Variants in SPHK2 observed in about 807,000 individuals in gnomAD.
SPHK2 encodes the protein sphingosine kinase 2.
A neutral mutation model predicts 32.3 loss-of-function variants in SPHK2; 18 were observed. The observed-to-expected ratio is 0.56, with a 90% CI of 0.39 to 0.83. The LOEUF (loss-of-function observed/expected upper bound fraction) is 0.83, where lower values mean the gene tolerates loss of function less well. Ranked by LOEUF, SPHK2 falls within the 40% of genes least tolerant of loss-of-function variation. The pLI, the probability that SPHK2 is intolerant of heterozygous loss-of-function variation, is 0.00. For missense variants in SPHK2, 850 were observed against 908.7 expected, an observed-to-expected ratio of 0.94 and a Z score of 0.83; for synonymous variants, 462 against 417.6, an observed-to-expected ratio of 1.11 and a Z score of -1.30.
Position 48,629,752 on chromosome 19 carries a change from C to T in SPHK2, c.1944C>T (p.Gly648=). 7 of 1,580,624 alleles carry T rather than the reference C, an allele frequency of 4.4e-6. No individual in the cohort carries two copies. The highest frequency in any genetic ancestry group is 6.0e-6 in the Non-Finnish European group (7 of 1,160,280). Residue 648 remains glycine (G), a synonymous_variant, in exon 7 of 7, where the codon GGC becomes GGT. Transcript: ENST00000245222. ...GTACACTGCTCACTGGGCCTCCTGG[C>T]TGCCCGGGGCGGGAGCCCTGAAACT... ...GIGTLLTGPP[G]CPGREP
In SPHK2 at chr19:48,626,066, AG is replaced by A; in HGVS notation, c.217del (p.Ala73ProfsTer135). 1 of 1,613,226 alleles carries A rather than the reference AG, an allele frequency of 6.2e-7. No homozygotes were observed. Among genetic ancestry groups the A allele is most frequent in the Non-Finnish European group, 8.5e-7 (1 of 1,179,824 alleles). ...CGCTTTGCCCTCACCCTTACATCGC[AG>A]GCCCTGCACATACAGCGGCTGCGCC... ...GPRFALTLTSQALHIQRLRPK... is the reference protein window; with the variant it reads ...GPRFALTLTSXALHIQRLRPK... On this transcript the variant is annotated frameshift_variant, in exon 3 of 7. Coordinates refer to ENST00000245222, the MANE Select transcript of SPHK2 (RefSeq NM_020126.5). LOFTEE classifies it high-confidence loss of function.
At position 48,628,920 on chromosome 19, in the gene SPHK2, C is replaced by T. The variant is rs762565641; in HGVS notation, c.1112C>T (p.Thr371Ile). The change falls in exon 7 of 7, where the codon ACC (threonine) becomes ATC (isoleucine). Residue 371 changes from threonine (T) to isoleucine (I), a missense_variant. Thr to Ile is a moderately conservative substitution (Grantham distance 89, BLOSUM62 -1). Coordinates refer to ENST00000245222, the MANE Select transcript of SPHK2 (RefSeq NM_020126.5). The surrounding 1 kb of genome is among the most constrained non-coding windows in gnomAD (Gnocchi z 5.2). ...GTVLGLATLH[T>I]YRGRLSYLPA... ...GTGCTGGGCCTCGCCACACTGCACA[C>T]CTACCGCGGACGCCTCTCCTACCTC... The T allele has an allele frequency of 2.5e-6, 4 of 1,613,482 alleles. No individual in the cohort carries two copies. The highest frequency in any genetic ancestry group is 1.7e-5 in the Admixed American group (1 of 60,026).
At chr19:48,619,799 C>G (rs1271934631) in intron 1 of SPHK2, 1 of 153,790 alleles carries the variant, frequency 6.5e-6, no homozygotes, top group Non-Finnish European at 1.5e-5. Context: ...CTTCCCTGAC[C>G]TAGAAAGAGG....
chr19:48,629,627 G>A lies in SPHK2; in HGVS notation c.1819G>A (p.Ala607Thr). The A allele has an allele frequency of 6.2e-7, 1 of 1,600,088 alleles. No individual in the cohort carries two copies. The highest frequency in any genetic ancestry group is 8.5e-7 in the Non-Finnish European group (1 of 1,174,094). ...GCAGCTGGGCTACGCCGCGGCCCGT[G>A]CCTTCCGCCTAGAGCCGCTCACACC... ...CPQLGYAAAR[A>T]FRLEPLTPRG... The change falls in exon 7 of 7, where the codon GCC becomes ACC. Residue 607 changes from alanine (A) to threonine (T), a missense_variant. Transcript: ENST00000245222.
rs745622704 is a variant in SPHK2 at position 48,626,222 on chromosome 19, G to A, written c.371G>A (p.Arg124Gln). 1.1e-5 allele frequency: 18 copies of A among 1,594,842 alleles called. No homozygotes were observed. The highest frequency in any genetic ancestry group is 1.4e-5 in the Non-Finnish European group (17 of 1,176,342). The change falls in exon 3 of 7, where the codon CGG becomes CAG. Residue 124 changes from arginine to glutamine, a missense_variant. By Grantham distance (43) the Arg-to-Gln change is conservative. This residue lies in a region of SPHK2 where 544 missense variants were observed against 640.0 expected (regional missense o/e 0.85). Coordinates refer to ENST00000245222, the MANE Select transcript of SPHK2 (RefSeq NM_020126.5). Reference protein sequence around the residue: ...YFCIYTYPRGRRGARRRATRT... With the variant: ...YFCIYTYPRGQRGARRRATRT... ...TGCATCTACACCTACCCTCGGGGCC[G>A]GCGCGGGGCCCGGCGCAGAGCCACT...
intron 3 of SPHK2, 71 bp downstream of exon 3, chr19:48,626,433 CTG>C: frequency 6.9e-7 from 1 of 1,453,812 alleles, no homozygotes; most frequent in Non-Finnish European, 9.0e-7. Flanking sequence ...CCATAGGCAG[CTG>C]TGTCTTTATT....
intron 2 of SPHK2, chr19:48,624,241 C>T (rs1601156655): frequency 6.6e-6 from 1 of 152,300 alleles, no homozygotes; most frequent in Non-Finnish European, 1.5e-5. Flanking sequence ...AGCTCTCGGC[C>T]TCTCCCGCGG....
At chr19:48,626,500 G>C (rs1259058241) in intron 3 of SPHK2, 138 bp downstream of exon 3, 1 of 1,141,792 alleles carries the variant, frequency 8.8e-7, no homozygotes, top group Non-Finnish European at 1.2e-6. Flanking sequence ...TGATACACAG[G>C]GATGGGCTAC....
chr19:48,629,977 G>A lies in SPHK2; in HGVS notation c.*204G>A, dbSNP rs1434990124. ...TTAAAGAGAAATGGGCTCGTCCCGAGGGTAGTGCCTGATCAATGAGGGCGG... is the reference window on the plus strand; with the variant it reads ...TTAAAGAGAAATGGGCTCGTCCCGAAGGTAGTGCCTGATCAATGAGGGCGG... On this transcript the variant is annotated 3_prime_UTR_variant, in exon 7 of 7. Coordinates refer to ENST00000245222, the MANE Select transcript of SPHK2 (RefSeq NM_020126.5). 9.3e-6 allele frequency: 13 copies of A among 1,402,624 alleles called. No individual in the cohort carries two copies. The East Asian group carries it at 2.6e-4, about 28-fold the overall frequency. 86.9% of individuals were successfully genotyped at this position (1,402,624 alleles called of 1,614,324 possible). A position where few individuals can be genotyped will look rare whatever the true frequency, so the allele number is the denominator to read the frequency against.
chr19:48,620,129 T>A (rs151304383), intron 1 of SPHK2, among the ~76,000 whole-genome samples: 1 of 148,174 alleles, frequency 6.7e-6, no homozygotes, highest in Non-Finnish European at 1.5e-5. Flanking sequence ...CACACAGGGG[T>A]GTTTTTCAGG....
intron 2 of SPHK2, 100 bp from the exon 3 acceptor site, chr19:48,625,791 C>T: frequency 6.5e-7 from 1 of 1,539,114 alleles, no homozygotes; most frequent in Non-Finnish European, 8.7e-7. Flanking sequence ...TCTCACCTGC[C>T]ACTGCCCCTC....
In SPHK2 at chr19:48,630,385, G is replaced by A. The variant is rs902554321; in HGVS notation, c.*612G>A. ...AATTGAAAAGGTCTATGCAATAAAGGCAGTCGCTTCATTCCTCTCAGACCT... is the reference window on the plus strand; with the variant it reads ...AATTGAAAAGGTCTATGCAATAAAGACAGTCGCTTCATTCCTCTCAGACCT... On this transcript the variant is annotated 3_prime_UTR_variant, in exon 7 of 7. Coordinates refer to ENST00000245222, the MANE Select transcript of SPHK2 (RefSeq NM_020126.5). The surrounding 1 kb of genome is among the most constrained non-coding windows in gnomAD (Gnocchi z 4.9). 7.3e-6 allele frequency: 10 copies of A among 1,375,286 alleles called. No homozygotes were observed. The African/African-American group carries it at 1.3e-4, about 18-fold the overall frequency. 85.2% of individuals were successfully genotyped at this position (1,375,286 alleles called of 1,614,324 possible). A position where few individuals can be genotyped will look rare whatever the true frequency, so the allele number is the denominator to read the frequency against.
Position 48,628,840 on chromosome 19 carries a change from T to C in SPHK2, c.1032T>C (p.Asp344=), listed in dbSNP as rs1238879285. The C allele has an allele frequency of 3.7e-6, 6 of 1,613,714 alleles. No homozygotes were observed. The highest frequency in any genetic ancestry group is 5.1e-6 in the Non-Finnish European group (6 of 1,180,034). The change falls in exon 7 of 7, where the codon GAT becomes GAC. Residue 344 remains aspartate, a synonymous_variant. Coordinates refer to ENST00000245222, the MANE Select transcript of SPHK2 (RefSeq NM_020126.5). This position sits in a 1 kb window ranked among gnomAD's most constrained non-coding sequence, Gnocchi z 5.2. ...SVAWGFVSDV[D]IQSERFRALG... is the part of the protein sequence containing the mutation. The stretch of plus-strand genomic sequence containing the variant: ...CCTGGGGCTTCGTGTCAGATGTGGA[T>C]ATCCAGAGCGAGCGCTTCAGGGCCT...
Position 48,630,259 on chromosome 19 carries a change from G to A in SPHK2, c.*486G>A. 7.8e-7 allele frequency: 1 copy of A among 1,282,170 alleles called. No homozygotes were observed. The highest frequency in any genetic ancestry group is 9.9e-7 in the Non-Finnish European group (1 of 1,015,072). The allele number at this position is 1,282,170 out of a possible 1,614,324, so 79.4% of individuals were successfully genotyped here. On this transcript the variant is annotated 3_prime_UTR_variant, in exon 7 of 7. Coordinates refer to ENST00000245222, the MANE Select transcript of SPHK2 (RefSeq NM_020126.5). This position sits in a 1 kb window ranked among gnomAD's most constrained non-coding sequence, Gnocchi z 4.9. ...GAGGGGCAGGTTCCCCGGGGCCGGC[G>A]CTAGGATTTGCACTAATGTTCCTCT...
chr19:48,630,007 T>G lies in SPHK2; in HGVS notation c.*234T>G. Reference sequence around the variant, plus strand: ...GTGCCTGATCAATGAGGGCGGGGCCTGGCGTCTGATCTGGGGCCGCCCTTA... The same window carrying G: ...GTGCCTGATCAATGAGGGCGGGGCCGGGCGTCTGATCTGGGGCCGCCCTTA... On this transcript the variant is annotated 3_prime_UTR_variant, in exon 7 of 7. Coordinates refer to ENST00000245222, the MANE Select transcript of SPHK2 (RefSeq NM_020126.5). This position sits in a 1 kb window ranked among gnomAD's most constrained non-coding sequence, Gnocchi z 4.9. 1 of 1,366,752 alleles carries G rather than the reference T, an allele frequency of 7.3e-7. No homozygotes were observed. The allele number at this position is 1,366,752 out of a possible 1,614,324, so 84.7% of individuals were successfully genotyped here. A position where few individuals can be genotyped will look rare whatever the true frequency, so the allele number is the denominator to read the frequency against.
chr19:48,627,550 A>C, intron 3 of SPHK2, 142 bp from the exon 4 acceptor site: 1 of 971,848 alleles, frequency 1.0e-6, no homozygotes, highest in East Asian at 2.5e-5. Context: ...GCAGGGCTGC[A>C]TACCTAGGCC....
chr19:48,620,581 C>T, intron 2 of SPHK2, 28 bp downstream of exon 2: 1 of 1,572,064 alleles, frequency 6.4e-7, no homozygotes, highest in Non-Finnish European at 8.7e-7. Context: ...AGCCAAGATC[C>T]TCATACTGTG....
chr19:48,629,657 G>A lies in SPHK2; in HGVS notation c.1849G>A (p.Gly617Ser). The A allele has an allele frequency of 6.2e-7, 1 of 1,604,922 alleles. No individual in the cohort carries two copies. Among genetic ancestry groups the A allele is most frequent in the South Asian group, 1.1e-5 (1 of 89,824 alleles). ...AFRLEPLTPR[G>S]VLTVDGEQVE... ...CCGCCTAGAGCCGCTCACACCACGC[G>A]GCGTGCTCACAGTGGACGGGGAGCA... is the stretch of plus-strand genomic sequence containing the variant. The change falls in exon 7 of 7, where the codon GGC becomes AGC. Residue 617 changes from glycine to serine, a missense_variant. Gly to Ser is a moderately conservative substitution (Grantham distance 56). Coordinates refer to ENST00000245222, the MANE Select transcript of SPHK2 (RefSeq NM_020126.5).
In SPHK2 at chr19:48,627,747, C is replaced by T; in HGVS notation, c.567C>T (p.Pro189=). The part of the protein sequence containing the change: ...RPPRLLLLVN[P]FGGRGLAWQW... ...CCCGGTTGCTTCTATTGGTCAATCC[C>T]TTTGGGGGTCGGGGCCTGGCCTGGC... Residue 189 remains proline, a synonymous_variant, in exon 4 of 7, where the codon CCC becomes CCT. Coordinates refer to ENST00000245222, the MANE Select transcript of SPHK2 (RefSeq NM_020126.5). The T allele has an allele frequency of 6.2e-7, 1 of 1,613,748 alleles. No individual in the cohort carries two copies. The highest frequency in any genetic ancestry group is 1.7e-4 in the Middle Eastern group (1 of 6,058).
Sources: allele counts gnomAD v4.1 joint callset (sites outside exome capture counted in the v4.1 genomes callset), GRCh38; gene constraint gnomAD v4.1.1; regional missense constraint gnomAD v4.1.1; non-coding constraint Gnocchi (gnomAD v3.1); transcripts MANE v1.5; gene names NCBI Gene and HGNC (gene_info 2026-07-23, HGNC 2026-07-21).